Variants in VPS13B observed in about 807,000 individuals in gnomAD.
The protein encoded by VPS13B is vacuolar protein sorting 13 homolog B.
Under a neutral mutation model 426.4 loss-of-function variants are expected in VPS13B, and 285 were observed. That is an observed-to-expected ratio of 0.67 (90% CI 0.61 to 0.74). VPS13B has a LOEUF of 0.74. Ranked by LOEUF, VPS13B falls within the 30% of genes least tolerant of loss-of-function variation. VPS13B has a pLI of 0.00. For missense variants in VPS13B, 4,537 were observed against 4,782.6 expected (o/e 0.95, Z 1.51); for synonymous variants, 1,676 against 1,676.4 (o/e 1.00, Z 0.01).
intron 33 of VPS13B, among the ~76,000 whole-genome samples, chr8:99,592,726 A>G (rs1704068929): frequency 6.6e-6 from 1 of 152,090 alleles, no homozygotes; most frequent in Non-Finnish European, 1.5e-5. Flanking sequence ...ACATAGACCA[A>G]TGAAACAGAA....
At chr8:99,742,639 G>C (rs1236843042) in intron 39 of VPS13B, among the ~76,000 whole-genome samples, 1 of 152,080 alleles carries the variant, frequency 6.6e-6, no homozygotes, top group East Asian at 1.9e-4. Flanking sequence ...GATCAAGTGG[G>C]CTTCATCCCT....
At chr8:99,204,397 A>T (rs2132768373) in intron 17 of VPS13B, among the ~76,000 whole-genome samples, 1 of 152,370 alleles carries the variant, frequency 6.6e-6, no homozygotes, top group Admixed American at 6.5e-5. Context: ...ACCTAAAACC[A>T]CAAAAACCCT....
intron 19 of VPS13B, among the ~76,000 whole-genome samples, chr8:99,328,163 C>T (rs1175169936): frequency 6.6e-6 from 1 of 152,120 alleles, no homozygotes; most frequent in Non-Finnish European, 1.5e-5. Context: ...ACTGTGCATG[C>T]AAGGGATCTA....
At chr8:99,141,242 G>A (rs1563564272) in intron 12 of VPS13B, among the ~76,000 whole-genome samples, 1 of 152,160 alleles carries the variant, frequency 6.6e-6, no homozygotes, top group East Asian at 1.9e-4. Flanking sequence ...CTAAAAGCCA[G>A]TTGTGTTTTT....
At chr8:99,453,527 A>G (rs180872128) in intron 23 of VPS13B, among the ~76,000 whole-genome samples, 20 of 152,314 alleles carry the variant, frequency 1.3e-4, no homozygotes, top group Admixed American at 1.3e-3. Context: ...AGTAGCTCAC[A>G]TTCAGCCTTC....
At position 99,875,508 on chromosome 8, in the gene VPS13B, TG is replaced by T. The variant is rs1269804601; in HGVS notation, c.11837del (p.Cys3946PhefsTer42). The T allele has an allele frequency of 6.2e-7, 1 of 1,614,160 alleles. No homozygotes were observed. The highest frequency in any genetic ancestry group is 1.1e-5 in the South Asian group (1 of 91,088). Reference protein sequence around the residue: ...TKTSCHLAPSCSSMQIPCPVV... With the variant: ...TKTSCHLAPSXSSMQIPCPVV... ...GACATCTTGTCACCTGGCCCCCAGC[TG>T]TTCTTCCATGCAAATACCATGCCCT... is the stretch of plus-strand genomic sequence containing the variant. On this transcript the variant is annotated frameshift_variant, in exon 62 of 62. Transcript: ENST00000357162. LOFTEE classifies it high-confidence loss of function.
At chr8:99,730,795 G>T (rs1833568459) in intron 39 of VPS13B, among the ~76,000 whole-genome samples, 1 of 151,828 alleles carries the variant, frequency 6.6e-6, no homozygotes, top group Admixed American at 6.6e-5. Flanking sequence ...GTAGGTACAG[G>T]TACAGGTACC....
intron 12 of VPS13B, among the ~76,000 whole-genome samples, chr8:99,140,694 C>CCTT (rs1321326664): frequency 6.8e-6 from 1 of 146,744 alleles, no homozygotes; most frequent in Admixed American, 6.8e-5. Flanking sequence ...TCACCCTCCT[C>CCTT]CTCCTCCTCC....
At chr8:99,086,914 T>C (rs1205823439) in intron 3 of VPS13B, among the ~76,000 whole-genome samples, 1 of 152,186 alleles carries the variant, frequency 6.6e-6, no homozygotes, top group African/African-American at 2.4e-5. Flanking sequence ...AGGGATCCAC[T>C]TGAGGAGGCA....
chr8:99,424,847 G>T (rs1042752492), intron 21 of VPS13B, among the ~76,000 whole-genome samples: 4 of 151,942 alleles, frequency 2.6e-5, no homozygotes, highest in Admixed American at 2.0e-4. Flanking sequence ...AAAGAGAGAA[G>T]AATCAAATAG....
chr8:99,496,788 C>G (rs927889410), intron 25 of VPS13B, among the ~76,000 whole-genome samples: 3 of 152,164 alleles, frequency 2.0e-5, no homozygotes, highest in South Asian at 2.1e-4. Flanking sequence ...CTTTGGGAAA[C>G]TGTTATAACA....
chr8:99,851,388 G>T (rs1320906472), intron 55 of VPS13B, among the ~76,000 whole-genome samples: 1 of 152,148 alleles, frequency 6.6e-6, no homozygotes, highest in African/African-American at 2.4e-5. Context: ...GATGGGGGGT[G>T]TAGAGAGTAA....
intron 33 of VPS13B, among the ~76,000 whole-genome samples, chr8:99,595,095 A>C (rs1826934453): frequency 6.6e-6 from 1 of 152,012 alleles, no homozygotes; most frequent in South Asian, 2.1e-4. Flanking sequence ...TTAGTGACCC[A>C]TATATGACCC....
chr8:99,222,682 T>C (rs1563611941), intron 17 of VPS13B, among the ~76,000 whole-genome samples: 1 of 152,202 alleles, frequency 6.6e-6, no homozygotes, highest in Non-Finnish European at 1.5e-5. Context: ...TTTTCTAACA[T>C]GTTTCCTTTG....
At chr8:99,223,633 C>A (rs1282866764) in intron 17 of VPS13B, among the ~76,000 whole-genome samples, 5 of 151,964 alleles carry the variant, frequency 3.3e-5, no homozygotes, top group Non-Finnish European at 5.9e-5. Flanking sequence ...AATAATAGTA[C>A]AAAGGATATA....
intron 30 of VPS13B, among the ~76,000 whole-genome samples, chr8:99,539,078 C>T (rs1375820385): frequency 2.0e-5 from 3 of 152,032 alleles, no homozygotes; most frequent in Non-Finnish European, 4.4e-5. Flanking sequence ...GTCGTCATAG[C>T]TTACTCACTT....
intron 42 of VPS13B, among the ~76,000 whole-genome samples, chr8:99,782,182 CCTT>C (rs1812055588): frequency 6.6e-6 from 1 of 152,016 alleles, no homozygotes; most frequent in South Asian, 2.1e-4. Flanking sequence ...TTTTCCCTCC[CCTT>C]CTTCTCCCCT....
chr8:99,453,441 G>A (rs997689910), intron 23 of VPS13B, among the ~76,000 whole-genome samples: 3 of 152,180 alleles, frequency 2.0e-5, no homozygotes, highest in Admixed American at 2.0e-4. Context: ...AATCGTGTAT[G>A]TATTACTAGT....
intron 33 of VPS13B, among the ~76,000 whole-genome samples, chr8:99,579,713 C>T (rs1043887587): frequency 6.3e-5 from 9 of 143,964 alleles, no homozygotes; most frequent in African/African-American, 2.3e-4. Flanking sequence ...TTCTTTCTTT[C>T]TTTTTTTTTT....
Sources: gnomAD v4.1 joint callset for allele counts (sites outside exome capture counted in the v4.1 genomes callset) on GRCh38, gnomAD v4.1.1 for gene constraint, MANE v1.5 for transcripts, NCBI Gene and HGNC (gene_info 2026-07-23, HGNC 2026-07-21) for gene names.